Variants in CHLSN observed in about 807,000 individuals in gnomAD.
CHLSN encodes cholesin.
chr7:1,047,879 C>T, the CHLSN span, among the ~76,000 whole-genome samples: 6 of 152,236 alleles, frequency 3.9e-5, no homozygotes, highest in South Asian at 2.1e-4. Context: ...GTGGATCACT[C>T]GCCTTGGGGA....
At chr7:1,018,238 C>T in the CHLSN span, among the ~76,000 whole-genome samples, 1 of 151,230 alleles carries the variant, frequency 6.6e-6, no homozygotes, top group Non-Finnish European at 1.5e-5. Context: ...AAGTGAGAGC[C>T]GAGGCCCTAC....
the CHLSN span, chr7:1,088,159 C>A: frequency 1.3e-5 from 2 of 152,318 alleles, no homozygotes; most frequent in African/African-American, 4.8e-5. This position sits in a 1 kb window ranked among gnomAD's most constrained non-coding sequence, Gnocchi z 4.5. Context: ...GGGAACCTTC[C>A]CTCGCGGGCT....
the CHLSN span, among the ~76,000 whole-genome samples, chr7:1,017,118 C>T: frequency 6.6e-6 from 1 of 152,238 alleles, no homozygotes; most frequent in South Asian, 2.1e-4. Context: ...GGTCTGAGGG[C>T]CACGCGGGCC....
chr7:1,131,201 A>C, the CHLSN span, among the ~76,000 whole-genome samples: 392 of 151,768 alleles, frequency 2.6e-3, 7 homozygotes, highest in East Asian at 0.045. Flanking sequence ...TAAAAAAAAA[A>C]AAAAAAAAAA....
the CHLSN span, among the ~76,000 whole-genome samples, chr7:1,077,178 T>C: frequency 6.6e-6 from 1 of 152,176 alleles, no homozygotes; most frequent in Non-Finnish European, 1.5e-5. Context: ...TTTTTTGAGA[T>C]GGAGTCTCTC....
At chr7:984,705 C>T in the CHLSN span, 67 of 1,338,898 alleles carry the variant, frequency 5.0e-5, no homozygotes, top group Non-Finnish European at 6.4e-5. Context: ...GCTGGGCCTC[C>T]GGGCTGGTGC....
the CHLSN span, among the ~76,000 whole-genome samples, chr7:1,016,246 G>C: frequency 5.2e-5 from 3 of 57,974 alleles, no homozygotes; most frequent in African/African-American, 2.5e-4. Flanking sequence ...GCAGCACACA[G>C]CAGCGCACGC....
chr7:1,119,435 G>A, the CHLSN span, among the ~76,000 whole-genome samples: 3 of 152,162 alleles, frequency 2.0e-5, no homozygotes, highest in African/African-American at 7.2e-5. Context: ...CATCAAAATC[G>A]AAATCTTAAG....
chr7:1,016,521 G>C, the CHLSN span, among the ~76,000 whole-genome samples: 1,087 of 139,824 alleles, frequency 7.8e-3, 20 homozygotes, highest in Non-Finnish European at 0.011. Flanking sequence ...GCGCACAGCA[G>C]CACACACCAG....
the CHLSN span, among the ~76,000 whole-genome samples, chr7:1,034,350 T>C: frequency 3.3e-5 from 5 of 151,752 alleles, no homozygotes; most frequent in African/African-American, 1.2e-4. Context: ...TCTCCCAAAA[T>C]TGAGGTACAT....
chr7:1,062,340 G>A, the CHLSN span, among the ~76,000 whole-genome samples: 1 of 152,130 alleles, frequency 6.6e-6, no homozygotes, highest in East Asian at 1.9e-4. Context: ...AATAGTAACC[G>A]TAACAGAAAG....
chr7:1,076,692 C>T, the CHLSN span, among the ~76,000 whole-genome samples: 1 of 152,228 alleles, frequency 6.6e-6, no homozygotes, highest in South Asian at 2.1e-4. Flanking sequence ...AGATCTTTTC[C>T]TCCACTTGGC....
chr7:1,083,927 G>A, the CHLSN span, among the ~76,000 whole-genome samples: 2 of 152,242 alleles, frequency 1.3e-5, no homozygotes, highest in Non-Finnish European at 1.5e-5. Flanking sequence ...GCGGAGCCAC[G>A]GCCTGCGTGC....
the CHLSN span, among the ~76,000 whole-genome samples, chr7:1,095,685 C>T: frequency 1.3e-5 from 2 of 152,234 alleles, no homozygotes; most frequent in East Asian, 3.8e-4. Flanking sequence ...AAGCGCTGTC[C>T]CCACCACACC....
chr7:1,125,195 G>A, the CHLSN span, among the ~76,000 whole-genome samples: 1 of 152,188 alleles, frequency 6.6e-6, no homozygotes, highest in African/African-American at 2.4e-5. Flanking sequence ...CAGCAACCAG[G>A]CACACTCCAC....
chr7:1,040,695 A>C, the CHLSN span, among the ~76,000 whole-genome samples: 1,389 of 152,050 alleles, frequency 9.1e-3, 21 homozygotes, highest in African/African-American at 0.031. Flanking sequence ...AAGAACAAAA[A>C]AAAAAAAAAG....
the CHLSN span, among the ~76,000 whole-genome samples, chr7:1,047,916 C>T: frequency 2.6e-5 from 4 of 152,194 alleles, no homozygotes; most frequent in Admixed American, 6.5e-5. Flanking sequence ...CTGAATACAT[C>T]CCCTTCTACG....
At chr7:995,613 C>G in the CHLSN span, among the ~76,000 whole-genome samples, 1 of 152,280 alleles carries the variant, frequency 6.6e-6, no homozygotes, top group Non-Finnish European at 1.5e-5. Flanking sequence ...CCACTGAGCA[C>G]CCTGACTGCT....
At chr7:1,127,475 TC>T in the CHLSN span, 1 of 1,195,366 alleles carries the variant, frequency 8.4e-7, no homozygotes, top group Non-Finnish European at 1.1e-6. Context: ...TAGGGCACTC[TC>T]CCATTAAAAA....
Sources: allele counts gnomAD v4.1 joint callset (sites outside exome capture counted in the v4.1 genomes callset), GRCh38; gene constraint gnomAD v4.1.1; non-coding constraint Gnocchi (gnomAD v3.1); transcripts MANE v1.5; gene names NCBI Gene and HGNC (gene_info 2026-07-23, HGNC 2026-07-21).